The following SGCZ variants were observed in gnomAD, a reference collection of about 807,000 sequenced individuals.
The protein encoded by SGCZ is sarcoglycan zeta.
In SGCZ, 40 loss-of-function variants were observed where a neutral mutation model predicts 41.3. That is an observed-to-expected ratio of 0.97 (90% CI 0.75 to 1.26). The LOEUF is 1.26. SGCZ is among the 50% of genes most tolerant of loss of function. The probability of loss-of-function intolerance (pLI) is 0.00; values close to 1 mark genes in which losing one functional copy is unlikely to be tolerated. For missense variants in SGCZ, 552 were observed against 369.8 expected (o/e 1.49, Z -4.04); for synonymous variants, 206 against 137.5 (o/e 1.50, Z -3.49).
chr8:15,153,692 A>G (rs1311418010), intron 1 of SGCZ, among the ~76,000 whole-genome samples: 19 of 151,832 alleles, frequency 1.3e-4, no homozygotes, highest in Admixed American at 1.2e-3. Context: ...CCCTGCTCTC[A>G]CCATGTGAAG....
At chr8:15,189,395 T>C (rs756154435) in intron 1 of SGCZ, among the ~76,000 whole-genome samples, 20 of 152,112 alleles carry the variant, frequency 1.3e-4, no homozygotes, top group Non-Finnish European at 2.6e-4. Flanking sequence ...TTGAAACACC[T>C]CCTCCAAATG....
chr8:14,644,579 T>G (rs1169775217), intron 1 of SGCZ, among the ~76,000 whole-genome samples: 2 of 151,770 alleles, frequency 1.3e-5, no homozygotes, highest in Non-Finnish European at 2.9e-5. Flanking sequence ...AGATCCTGAT[T>G]CGAAAATCAA....
intron 1 of SGCZ, among the ~76,000 whole-genome samples, chr8:14,608,392 T>C (rs1805820752): frequency 6.6e-6 from 1 of 151,860 alleles, no homozygotes; most frequent in South Asian, 2.1e-4. Flanking sequence ...GGTACCAGCA[T>C]ATGCTCAGCT....
chr8:15,186,818 A>G (rs1032647173), intron 1 of SGCZ, among the ~76,000 whole-genome samples: 4 of 152,172 alleles, frequency 2.6e-5, no homozygotes, highest in Non-Finnish European at 5.9e-5. Context: ...ATTTTGCCCA[A>G]AGTATTAACT....
At chr8:15,168,394 G>C (rs1563162598) in intron 1 of SGCZ, among the ~76,000 whole-genome samples, 1 of 152,196 alleles carries the variant, frequency 6.6e-6, no homozygotes, top group Non-Finnish European at 1.5e-5. Context: ...GCTACTGACG[G>C]TAGGAAAGAG....
At chr8:14,468,528 G>C (rs529520464) in intron 2 of SGCZ, among the ~76,000 whole-genome samples, 2 of 152,112 alleles carry the variant, frequency 1.3e-5, no homozygotes, top group South Asian at 2.1e-4. Context: ...ATTAGATCTT[G>C]AGAGCAAAGG....
chr8:14,993,952 A>C (rs1003764572), intron 1 of SGCZ, among the ~76,000 whole-genome samples: 2 of 152,182 alleles, frequency 1.3e-5, no homozygotes, highest in African/African-American at 4.8e-5. Flanking sequence ...CCAGACTGTA[A>C]AGAAGCAAGG....
intron 3 of SGCZ, among the ~76,000 whole-genome samples, chr8:14,249,388 T>G (rs1295443275): frequency 6.6e-6 from 1 of 152,124 alleles, no homozygotes; most frequent in Non-Finnish European, 1.5e-5. Flanking sequence ...TCATCCTCCC[T>G]AACTGCTTGA....
At chr8:14,860,495 A>C (rs1803690501) in intron 1 of SGCZ, among the ~76,000 whole-genome samples, 2 of 151,150 alleles carry the variant, frequency 1.3e-5, no homozygotes, top group African/African-American at 4.9e-5. Context: ...GAGAAAGAGA[A>C]AGAGGAAAAG....
At chr8:14,096,753 A>C (rs933851253) in intron 7 of SGCZ, among the ~76,000 whole-genome samples, 3 of 152,084 alleles carry the variant, frequency 2.0e-5, no homozygotes, top group Non-Finnish European at 2.9e-5. Flanking sequence ...TTTGGTTGGT[A>C]GGCTATTAAT....
intron 1 of SGCZ, among the ~76,000 whole-genome samples, chr8:15,081,779 C>T (rs980368672): frequency 6.6e-6 from 1 of 152,082 alleles, no homozygotes; most frequent in African/African-American, 2.4e-5. Flanking sequence ...AGGCAAGTAA[C>T]TGGATTTATC....
chr8:14,627,124 T>C (rs112735089), intron 1 of SGCZ, among the ~76,000 whole-genome samples: 26 of 152,202 alleles, frequency 1.7e-4, no homozygotes, highest in Non-Finnish European at 3.4e-4. Flanking sequence ...TGATACAAAT[T>C]GTTAATACAT....
At chr8:15,128,979 C>G (rs1185391545) in intron 1 of SGCZ, among the ~76,000 whole-genome samples, 2 of 152,198 alleles carry the variant, frequency 1.3e-5, no homozygotes, top group Non-Finnish European at 2.9e-5. Context: ...TTACCTCTCC[C>G]TGTAAAAGAA....
chr8:14,802,297 C>T (rs987464518), intron 1 of SGCZ, among the ~76,000 whole-genome samples: 1 of 152,168 alleles, frequency 6.6e-6, no homozygotes, highest in Non-Finnish European at 1.5e-5. Context: ...AATCACTAAG[C>T]TGCCATGCCT....
chr8:14,267,539 G>T (rs887281689), intron 3 of SGCZ, among the ~76,000 whole-genome samples: 5 of 151,966 alleles, frequency 3.3e-5, no homozygotes, highest in Non-Finnish European at 7.4e-5. Context: ...TGTCCATTCT[G>T]GTATCGCCTA....
intron 2 of SGCZ, among the ~76,000 whole-genome samples, chr8:14,453,322 A>G (rs11775370): frequency 6.6e-6 from 1 of 151,904 alleles, no homozygotes; most frequent in Non-Finnish European, 1.5e-5. Flanking sequence ...TAAAGTCAAT[A>G]ATTTCTTTTC....
chr8:14,704,277 A>C (rs1809259090), intron 1 of SGCZ, among the ~76,000 whole-genome samples: 1 of 151,966 alleles, frequency 6.6e-6, no homozygotes, highest in Non-Finnish European at 1.5e-5. Flanking sequence ...GCTCTCTTTA[A>C]TTCAGTTTCT....
intron 1 of SGCZ, among the ~76,000 whole-genome samples, chr8:14,658,831 C>A (rs1015643934): frequency 2.7e-5 from 4 of 150,064 alleles, no homozygotes; most frequent in Non-Finnish European, 5.9e-5. Flanking sequence ...TAGCAGAGAG[C>A]AGATGCTTAA....
chr8:14,982,318 G>C (rs1801693270), intron 1 of SGCZ, among the ~76,000 whole-genome samples: 1 of 152,166 alleles, frequency 6.6e-6, no homozygotes, highest in Non-Finnish European at 1.5e-5. Flanking sequence ...TTCAAAGATA[G>C]GCCAAGCCAG....
Sources: gnomAD v4.1 joint callset for allele counts (sites outside exome capture counted in the v4.1 genomes callset) on GRCh38, gnomAD v4.1.1 for gene constraint, MANE v1.5 for transcripts, NCBI Gene and HGNC (gene_info 2026-07-23, HGNC 2026-07-21) for gene names.